Variants in PRR16 observed in about 807,000 individuals in gnomAD.
PRR16 encodes the protein protein Largen.
Under a neutral mutation model 18.2 loss-of-function variants are expected in PRR16, and 6 were observed. The observed-to-expected ratio is 0.33, with a 90% CI of 0.18 to 0.65. The LOEUF (loss-of-function observed/expected upper bound fraction) is 0.65, where lower values mean the gene tolerates loss of function less well. PRR16 is among the 30% of genes least tolerant of loss of function. The probability of loss-of-function intolerance (pLI) is 0.74; values close to 1 mark genes in which losing one functional copy is unlikely to be tolerated. For missense variants in PRR16, 412 were observed against 376.6 expected (o/e 1.09, Z -0.78); for synonymous variants, 151 against 147.8 (o/e 1.02, Z -0.16).
intron 1 of PRR16, among the ~76,000 whole-genome samples, chr5:120,484,386 T>C (rs1749720823): frequency 6.9e-6 from 1 of 145,664 alleles, no homozygotes; most frequent in African/African-American, 2.5e-5. Context: ...ATTATATATA[T>C]CATTTATAAT....
chr5:120,624,858 T>TTTCCTTCACTGTTCTCGTGATAA (rs2112828081), intron 1 of PRR16, among the ~76,000 whole-genome samples: 1 of 152,208 alleles, frequency 6.6e-6, no homozygotes, highest in South Asian at 2.1e-4. Flanking sequence ...GGGGTGGATC[T>TTTCCTTCACTGTTCTCGTGATAA]TTCCTTCACT....
the PRR16 span, among the ~76,000 whole-genome samples, chr5:120,719,435 T>A: frequency 6.6e-6 from 1 of 152,064 alleles, no homozygotes; most frequent in Non-Finnish European, 1.5e-5. Context: ...ATCAAGGTAA[T>A]TGTCAATTAT....
chr5:120,745,506 G>C, the PRR16 span, among the ~76,000 whole-genome samples: 39 of 152,072 alleles, frequency 2.6e-4, no homozygotes, highest in African/African-American at 8.0e-4. Context: ...TGATTGGACT[G>C]TTAGGAATTG....
intron 1 of PRR16, among the ~76,000 whole-genome samples, chr5:120,476,625 G>T (rs1000078033): frequency 6.6e-6 from 1 of 152,012 alleles, no homozygotes; most frequent in Non-Finnish European, 1.5e-5. Context: ...GTGAGAGCCT[G>T]TTATTTCCCA....
intron 1 of PRR16, among the ~76,000 whole-genome samples, chr5:120,538,562 G>T (rs892075892): frequency 1.3e-5 from 2 of 152,204 alleles, no homozygotes; most frequent in Non-Finnish European, 2.9e-5. Flanking sequence ...CGATATAGGG[G>T]ACCAAATAAA....
chr5:120,753,841 CTT>C, the PRR16 span, among the ~76,000 whole-genome samples: 81 of 120,476 alleles, frequency 6.7e-4, 2 homozygotes, highest in South Asian at 2.1e-3. Context: ...ATATATATAA[CTT>C]ATATATTATA....
intron 1 of PRR16, among the ~76,000 whole-genome samples, chr5:120,524,386 G>A (rs1751284392): frequency 6.6e-6 from 1 of 152,032 alleles, no homozygotes; most frequent in South Asian, 2.1e-4. Context: ...TAATGTACAA[G>A]CTACAAAATT....
chr5:120,654,259 T>G (rs1015922300), intron 1 of PRR16, among the ~76,000 whole-genome samples: 8 of 152,030 alleles, frequency 5.3e-5, no homozygotes, highest in African/African-American at 1.9e-4. Flanking sequence ...GACTACCTAC[T>G]TTACATGAGA....
At position 120,685,952 on chromosome 5, in the gene PRR16, A is replaced by G; in HGVS notation, c.160-2A>G. 1.2e-6 allele frequency: 2 copies of G among 1,610,376 alleles called. No individual in the cohort carries two copies. Among genetic ancestry groups the G allele is most frequent in the Non-Finnish European group, 1.7e-6 (2 of 1,177,708 alleles). ...AAACAATTACCTTGTCCTTTCCACT[A>G]GGTGGTTGACCAGATTGACACCCTG... On this transcript the variant is annotated splice_acceptor_variant, in intron 1 of 1. Coordinates refer to ENST00000407149, the MANE Select transcript of PRR16 (RefSeq NM_001300783.2). LOFTEE classifies it high-confidence loss of function.
At chr5:120,520,858 T>C (rs1401224686) in intron 1 of PRR16, among the ~76,000 whole-genome samples, 1 of 152,172 alleles carries the variant, frequency 6.6e-6, no homozygotes, top group African/African-American at 2.4e-5. Context: ...ATTGATTATA[T>C]ATTTTCTTTT....
At chr5:120,744,993 T>C in the PRR16 span, among the ~76,000 whole-genome samples, 1 of 152,174 alleles carries the variant, frequency 6.6e-6, no homozygotes, top group African/African-American at 2.4e-5. Context: ...GGAACACCTA[T>C]GAATTTGGTG....
At chr5:120,526,901 G>T (rs61393093) in intron 1 of PRR16, among the ~76,000 whole-genome samples, 25,703 of 151,994 alleles carry the variant, frequency 0.17, 2,618 homozygotes, top group African/African-American at 0.28. Context: ...TCCATAAATG[G>T]TTTAAGTATA....
chr5:120,615,832 C>T (rs1024178014), intron 1 of PRR16, among the ~76,000 whole-genome samples: 6 of 152,054 alleles, frequency 3.9e-5, no homozygotes, highest in Admixed American at 2.6e-4. Context: ...TTCATTGTCA[C>T]GTTCCCAGTA....
intron 1 of PRR16, among the ~76,000 whole-genome samples, chr5:120,585,577 T>C (rs1352722842): frequency 6.6e-6 from 1 of 150,868 alleles, no homozygotes; most frequent in Non-Finnish European, 1.5e-5. Flanking sequence ...TGAGATCGTG[T>C]CGTTCACTCC....
chr5:120,512,253 C>T (rs1172843760), intron 1 of PRR16, among the ~76,000 whole-genome samples: 1 of 137,646 alleles, frequency 7.3e-6, no homozygotes, highest in African/African-American at 2.9e-5. Flanking sequence ...CTTAATTTTT[C>T]TGTGAGACAT....
At chr5:120,499,937 T>C (rs966380824) in intron 1 of PRR16, among the ~76,000 whole-genome samples, 1 of 152,186 alleles carries the variant, frequency 6.6e-6, no homozygotes, top group Non-Finnish European at 1.5e-5. Flanking sequence ...ACTCTTCTGT[T>C]AACACTGGAA....
At chr5:120,791,207 A>G in the PRR16 span, among the ~76,000 whole-genome samples, 1 of 152,142 alleles carries the variant, frequency 6.6e-6, no homozygotes, top group Non-Finnish European at 1.5e-5. Flanking sequence ...ATTACCAAGA[A>G]AACAAGTTTC....
At chr5:120,550,198 C>T (rs1338938511) in intron 1 of PRR16, among the ~76,000 whole-genome samples, 1 of 152,032 alleles carries the variant, frequency 6.6e-6, no homozygotes, top group Non-Finnish European at 1.5e-5. Flanking sequence ...TGTATTCCTG[C>T]TTAATAACCA....
intron 1 of PRR16, among the ~76,000 whole-genome samples, chr5:120,555,104 T>C (rs546068424): frequency 6.6e-6 from 1 of 152,000 alleles, no homozygotes; most frequent in South Asian, 2.1e-4. Context: ...ATATCTAGTG[T>C]TTATTTATTT....
Sources: allele counts gnomAD v4.1 joint callset (sites outside exome capture counted in the v4.1 genomes callset), GRCh38; gene constraint gnomAD v4.1.1; transcripts MANE v1.5; gene names NCBI Gene and HGNC (gene_info 2026-07-23, HGNC 2026-07-21).